Variants in SCD5 observed in about 807,000 individuals in gnomAD.
SCD5 encodes the protein acyl-CoA-desaturase 4.
SCD5 carries 20 observed loss-of-function variants against 30.4 expected under a neutral mutation model. The observed-to-expected ratio is 0.66, with a 90% CI of 0.46 to 0.96. The LOEUF (loss-of-function observed/expected upper bound fraction) is 0.96. Among genes scored for constraint, SCD5 ranks in the 40% least tolerant of loss-of-function variants. The pLI is 0.00. For missense variants in SCD5, 381 were observed against 443.3 expected, an observed-to-expected ratio of 0.86 and a Z score of 1.26; for synonymous variants, 173 against 176.4, an observed-to-expected ratio of 0.98 and a Z score of 0.16.
chr4:82,656,045 G>A (rs6823569), intron 3 of SCD5, among the ~76,000 whole-genome samples: 3,498 of 151,980 alleles, frequency 0.023, 58 homozygotes, highest in Non-Finnish European at 0.034. Context: ...TAGAATGTAG[G>A]GAAAAGACAA....
intron 1 of SCD5, among the ~76,000 whole-genome samples, chr4:82,793,377 G>T (rs186295630): frequency 9.2e-5 from 14 of 152,268 alleles, no homozygotes; most frequent in Non-Finnish European, 1.5e-4. Context: ...ACAAAACAAT[G>T]ATCTTTTGGA....
At chr4:82,750,844 C>T (rs1479185327) in intron 1 of SCD5, among the ~76,000 whole-genome samples, 1 of 152,182 alleles carries the variant, frequency 6.6e-6, no homozygotes, top group Non-Finnish European at 1.5e-5. Flanking sequence ...GCACAGAGTT[C>T]CTCTAAACCT....
At chr4:82,658,742 T>C (rs2148816300) in intron 3 of SCD5, among the ~76,000 whole-genome samples, 1 of 151,476 alleles carries the variant, frequency 6.6e-6, no homozygotes, top group South Asian at 2.1e-4. Flanking sequence ...TTGCCAGTAT[T>C]TTACTGAGGA....
At chr4:82,744,385 C>T (rs949295995) in intron 1 of SCD5, among the ~76,000 whole-genome samples, 2 of 152,186 alleles carry the variant, frequency 1.3e-5, no homozygotes, top group African/African-American at 4.8e-5. Flanking sequence ...TCCCTAACTG[C>T]TCATCATTTA....
rs902166367 is a variant in SCD5, at chr4:82,798,645, C to G, written c.-108G>C. ...TTCTGCCTTTTAGGGGGGAATTCTC[C>G]GCACGTCCAGTCCCCTCCTTCCAGC... On this transcript the variant is annotated 5_prime_UTR_variant, in exon 1 of 5. Coordinates refer to ENST00000319540, the MANE Select transcript of SCD5 (RefSeq NM_001037582.3). 7 of 939,306 alleles carry G rather than the reference C, an allele frequency of 7.5e-6. No individual in the cohort carries two copies. The African/African-American group carries it at 1.0e-4, about 14-fold the overall frequency. The allele number at this position is 939,306 out of a possible 1,614,324, so 58.2% of individuals were successfully genotyped here.
chr4:82,666,916 A>G (rs907417482), intron 3 of SCD5, among the ~76,000 whole-genome samples: 1 of 152,260 alleles, frequency 6.6e-6, no homozygotes, highest in African/African-American at 2.4e-5. Context: ...GTGTAAAGAC[A>G]TAATGCAGGT....
At chr4:82,672,063 A>G (rs2148819373) in intron 3 of SCD5, among the ~76,000 whole-genome samples, 1 of 152,344 alleles carries the variant, frequency 6.6e-6, no homozygotes, top group South Asian at 2.1e-4. Flanking sequence ...AGCAGTGCTT[A>G]GAGGAAAATT....
chr4:82,759,499 C>T (rs765865405), intron 1 of SCD5, among the ~76,000 whole-genome samples: 26 of 152,088 alleles, frequency 1.7e-4, no homozygotes, highest in Non-Finnish European at 3.2e-4. Context: ...ACACTTCCCC[C>T]TCAGACAAGC....
rs148536662 is a variant in SCD5 at position 82,798,437 on chromosome 4, T to C, written c.101A>G (p.Glu34Gly). Residue 34 changes from glutamate to glycine, a missense_variant, in exon 1 of 5, where the codon GAG becomes GGG. Coordinates refer to ENST00000319540, the MANE Select transcript of SCD5 (RefSeq NM_001037582.3). Reference sequence around the variant, plus strand: ...CCGCTGCCCGCGCGCGCCTGGCCTCTCCGGGCCGCCGCCGCCCTCAGAGCT... The same window carrying C: ...CCGCTGCCCGCGCGCGCCTGGCCTCCCCGGGCCGCCGCCGCCCTCAGAGCT... ...LESSEGGGGP[E>G]RPGARGQRQN... 1.9e-6 allele frequency: 3 copies of C among 1,612,982 alleles called. No individual in the cohort carries two copies. The highest frequency in any genetic ancestry group is 1.3e-5 in the African/African-American group (1 of 74,860).
At chr4:82,688,874 T>TA (rs777588225) in intron 2 of SCD5, among the ~76,000 whole-genome samples, 71 of 152,364 alleles carry the variant, frequency 4.7e-4, no homozygotes, top group Non-Finnish European at 8.1e-4. Context: ...TTTTCACTTT[T>TA]AAAAAACCAC....
At chr4:82,752,665 T>C (rs533578288) in intron 1 of SCD5, among the ~76,000 whole-genome samples, 2 of 152,278 alleles carry the variant, frequency 1.3e-5, no homozygotes, top group South Asian at 4.1e-4. Flanking sequence ...AAACTGGACC[T>C]GGAGAAGCCT....
At chr4:82,673,172 A>G (rs972321797) in intron 3 of SCD5, among the ~76,000 whole-genome samples, 2 of 152,148 alleles carry the variant, frequency 1.3e-5, no homozygotes, top group African/African-American at 4.8e-5. Context: ...ACCTAATGCA[A>G]TAAGATAAGG....
chr4:82,631,724 C>T (rs1727298827), intron 4 of SCD5, among the ~76,000 whole-genome samples: 2 of 152,170 alleles, frequency 1.3e-5, no homozygotes, highest in African/African-American at 4.8e-5. Flanking sequence ...TAAATCGTCA[C>T]AAGATTAACT....
intron 3 of SCD5, among the ~76,000 whole-genome samples, chr4:82,659,213 A>T (rs1241743406): frequency 6.6e-6 from 1 of 150,678 alleles, no homozygotes; most frequent in African/African-American, 2.5e-5. Flanking sequence ...TGTCTATCTG[A>T]TTCTTCTCCC....
chr4:82,750,374 C>G (rs1721077036), intron 1 of SCD5, among the ~76,000 whole-genome samples: 1 of 152,192 alleles, frequency 6.6e-6, no homozygotes, highest in African/African-American at 2.4e-5. Flanking sequence ...GGACCAAACA[C>G]TATCTCCAAA....
At position 82,630,083 on chromosome 4, in the gene SCD5, T is replaced by A. The variant is rs1727254521; in HGVS notation, c.*1244A>T. On this transcript the variant is annotated 3_prime_UTR_variant, in exon 5 of 5. Transcript: ENST00000319540. ...TAAACATTTAAACGAGAGCTTAATT[T>A]GAGCTTAATTTGATGTCTGGCATGT... 1 of 152,220 alleles carries A rather than the reference T, an allele frequency of 6.6e-6. No homozygotes were observed. The highest frequency in any genetic ancestry group is 1.5e-5 in the Non-Finnish European group (1 of 68,046). The allele number at this position is 152,220 out of a possible 1,614,324, so 9.4% of individuals were successfully genotyped here.
At chr4:82,730,899 C>G (rs1720630336) in intron 1 of SCD5, among the ~76,000 whole-genome samples, 1 of 152,058 alleles carries the variant, frequency 6.6e-6, no homozygotes, top group Non-Finnish European at 1.5e-5. Context: ...TTTTCGTCTT[C>G]TATAAACACA....
At chr4:82,660,597 G>C in intron 3 of SCD5, 1 of 1,260,972 alleles carries the variant, frequency 7.9e-7, no homozygotes, top group Non-Finnish European at 1.0e-6. Context: ...CAATAATTTT[G>C]TAAGGTAGGT....
intron 2 of SCD5, among the ~76,000 whole-genome samples, chr4:82,703,399 C>A (rs1432650609): frequency 6.6e-6 from 1 of 152,152 alleles, no homozygotes; most frequent in Non-Finnish European, 1.5e-5. Context: ...TCACCGATTG[C>A]TACTATAAGC....
Sources: allele counts gnomAD v4.1 joint callset (sites outside exome capture counted in the v4.1 genomes callset), GRCh38; gene constraint gnomAD v4.1.1; transcripts MANE v1.5; gene names NCBI Gene and HGNC (gene_info 2026-07-23, HGNC 2026-07-21).